The following STAU2 variants were observed in gnomAD, a reference collection of about 807,000 sequenced individuals.
STAU2 encodes the protein staufen double-stranded RNA binding protein 2, also known as double-stranded RNA-binding protein Staufen homolog 2.
A neutral mutation model predicts 65.9 loss-of-function variants in STAU2; 20 were observed. The ratio of observed to expected loss-of-function variants is 0.30; its 90% CI spans 0.21 to 0.44. The LOEUF (loss-of-function observed/expected upper bound fraction) is 0.44. Ranked by LOEUF, STAU2 falls within the 20% of genes least tolerant of loss-of-function variation. The probability of loss-of-function intolerance (pLI) is 1.00; values close to 1 mark genes in which losing one functional copy is unlikely to be tolerated. For missense variants in STAU2, 558 were observed against 683.9 expected (o/e 0.82, Z 2.05); for synonymous variants, 232 against 233.9 (o/e 0.99, Z 0.07).
chr8:73,680,209 C>G (rs1248776124), intron 5 of STAU2, among the ~76,000 whole-genome samples: 7 of 151,856 alleles, frequency 4.6e-5, no homozygotes, highest in Admixed American at 3.9e-4. Flanking sequence ...GATATGAGAA[C>G]AGAAGCCACT....
intron 11 of STAU2, among the ~76,000 whole-genome samples, chr8:73,587,817 T>C (rs1287435571): frequency 1.3e-5 from 2 of 152,188 alleles, no homozygotes; most frequent in African/African-American, 2.4e-5. Context: ...GAAGCAGAAA[T>C]GGCCAGTGGC....
intron 13 of STAU2, among the ~76,000 whole-genome samples, chr8:73,448,587 G>A (rs1818610179): frequency 6.6e-6 from 1 of 152,178 alleles, no homozygotes; most frequent in Non-Finnish European, 1.5e-5. Flanking sequence ...CCGGCTAGGA[G>A]ACACAAGTCT....
intron 6 of STAU2, chr8:73,651,198 C>A: frequency 1.0e-6 from 1 of 952,752 alleles, no homozygotes; most frequent in African/African-American, 1.6e-5. Context: ...AGGCCGTCAG[C>A]ATCAAGGAGG....
intron 13 of STAU2, among the ~76,000 whole-genome samples, chr8:73,515,513 A>G (rs548966711): frequency 2.6e-4 from 40 of 152,332 alleles, no homozygotes; most frequent in Admixed American, 2.4e-3. Flanking sequence ...AAGAACAGTC[A>G]GAAGCCAGTG....
intron 13 of STAU2, among the ~76,000 whole-genome samples, chr8:73,518,846 T>A (rs76500579): frequency 0.02 from 3,058 of 152,230 alleles, 101 homozygotes; most frequent in African/African-American, 0.069. Flanking sequence ...AAAACGAAAA[T>A]TGTATATAAT....
At chr8:73,669,538 C>T (rs1817502522) in intron 6 of STAU2, among the ~76,000 whole-genome samples, 1 of 152,186 alleles carries the variant, frequency 6.6e-6, no homozygotes, top group South Asian at 2.1e-4. Context: ...TAACTCCTCT[C>T]TCCCTTGGTT....
chr8:73,551,720 C>A, intron 13 of STAU2: 10 of 1,057,206 alleles, frequency 9.5e-6, no homozygotes, highest in South Asian at 4.5e-5. Flanking sequence ...GATAGATGCA[C>A]CTAATCAAGA....
chr8:73,670,731 CTAAA>C (rs1817612637), intron 6 of STAU2, among the ~76,000 whole-genome samples: 1 of 151,924 alleles, frequency 6.6e-6, no homozygotes, highest in East Asian at 1.9e-4. Flanking sequence ...TATTTATGGA[CTAAA>C]TAAATATCTT....
chr8:73,423,478 C>T (rs532634664), intron 13 of STAU2, among the ~76,000 whole-genome samples: 1 of 152,176 alleles, frequency 6.6e-6, no homozygotes, highest in Non-Finnish European at 1.5e-5. Context: ...TCCCCTCCCC[C>T]AAGCCCGACA....
intron 13 of STAU2, among the ~76,000 whole-genome samples, chr8:73,463,093 G>T (rs1482436496): frequency 6.6e-6 from 1 of 152,214 alleles, no homozygotes; most frequent in African/African-American, 2.4e-5. Context: ...ACTTGGGTTT[G>T]ACCCCTGGCT....
At chr8:73,640,642 C>G (rs1814887471) in intron 6 of STAU2, among the ~76,000 whole-genome samples, 2 of 152,114 alleles carry the variant, frequency 1.3e-5, no homozygotes, top group Non-Finnish European at 2.9e-5. Context: ...CTACACATCA[C>G]AAACCAATCT....
intron 10 of STAU2, among the ~76,000 whole-genome samples, chr8:73,598,948 G>C (rs914313404): frequency 2.6e-5 from 4 of 152,042 alleles, no homozygotes; most frequent in African/African-American, 9.7e-5. Flanking sequence ...CTTCTACATA[G>C]AAAACAAAGT....
chr8:73,474,587 C>G (rs1277003986), intron 13 of STAU2, among the ~76,000 whole-genome samples: 2 of 151,998 alleles, frequency 1.3e-5, no homozygotes, highest in Admixed American at 1.3e-4. Context: ...TGGCTTTGTT[C>G]CATCACTCCT....
At chr8:73,527,516 TATG>T (rs1226035403) in intron 13 of STAU2, 10 of 449,832 alleles carry the variant, frequency 2.2e-5, no homozygotes, top group Admixed American at 3.5e-5. Context: ...TTAAATCTAC[TATG>T]ATATCAATTT....
intron 3 of STAU2, among the ~76,000 whole-genome samples, chr8:73,720,974 G>C (rs1821614363): frequency 6.6e-6 from 1 of 151,266 alleles, no homozygotes; most frequent in African/African-American, 2.4e-5. Flanking sequence ...GAATCCTTTT[G>C]AATTCATTTA....
chr8:73,689,464 A>C (rs1819172043), intron 4 of STAU2, among the ~76,000 whole-genome samples: 2 of 152,072 alleles, frequency 1.3e-5, no homozygotes, highest in African/African-American at 4.8e-5. Context: ...CACAAATCCA[A>C]CTTCATCACC....
intron 13 of STAU2, among the ~76,000 whole-genome samples, chr8:73,470,981 T>C (rs930035392): frequency 3.9e-5 from 6 of 152,022 alleles, no homozygotes; most frequent in Admixed American, 1.3e-4. Context: ...CATCTGACAT[T>C]ACCATTTGCT....
At chr8:73,449,530 G>T (rs1218137347) in intron 13 of STAU2, among the ~76,000 whole-genome samples, 1 of 152,198 alleles carries the variant, frequency 6.6e-6, no homozygotes, top group South Asian at 2.1e-4. Context: ...TTACAGAGGT[G>T]GGGGCACAAT....
chr8:73,516,524 A>C (rs1173123700), intron 13 of STAU2, among the ~76,000 whole-genome samples: 2 of 152,228 alleles, frequency 1.3e-5, no homozygotes, highest in African/African-American at 4.8e-5. Flanking sequence ...CTAAAAAGGC[A>C]TTCAGTGCCA....
Sources: gnomAD v4.1 joint callset for allele counts (sites outside exome capture counted in the v4.1 genomes callset) on GRCh38, gnomAD v4.1.1 for gene constraint, MANE v1.5 for transcripts, NCBI Gene and HGNC (gene_info 2026-07-23, HGNC 2026-07-21) for gene names.